RNF123: variants seen among roughly 807,000 people sequenced by gnomAD.
RNF123 encodes the protein E3 ubiquitin-protein ligase RNF123.
A neutral mutation model predicts 168.5 loss-of-function variants in RNF123; 86 were observed. That is an observed-to-expected ratio of 0.51 (90% CI 0.43 to 0.61). The LOEUF is 0.61. Among genes scored for constraint, RNF123 ranks in the 20% least tolerant of loss-of-function variants. The probability of loss-of-function intolerance (pLI) is 0.00; values close to 1 mark genes in which losing one functional copy is unlikely to be tolerated. For synonymous variants in RNF123, 666 were observed against 689.1 expected, an observed-to-expected ratio of 0.97 and a Z score of 0.52; for missense variants, 1,419 against 1,729.7, an observed-to-expected ratio of 0.82 and a Z score of 3.19.
At chr3:49,716,218 C>T (rs1176659417) in intron 34 of RNF123, 41 bp downstream of exon 34, 5 of 1,603,562 alleles carry the variant, frequency 3.1e-6, no homozygotes, top group Non-Finnish European at 4.3e-6. Context: ...CACTACAGGC[C>T]TCGGTTCCTC....
intron 35 of RNF123, 76 bp downstream of exon 35, chr3:49,716,553 T>C (rs2080248771): frequency 8.1e-7 from 1 of 1,235,990 alleles, no homozygotes; most frequent in Non-Finnish European, 1.2e-6. Context: ...GGCCTCCTGG[T>C]ACTTCAGTTT....
chr3:49,715,407 C>A, intron 31 of RNF123, 168 bp from the exon 32 acceptor site: 1 of 789,844 alleles, frequency 1.3e-6, no homozygotes, highest in Non-Finnish European at 2.0e-6. Context: ...TCTGTCCCAA[C>A]TAACTCCAAG....
chr3:49,715,884 T>C lies in RNF123; in HGVS notation c.3213T>C (p.Cys1071=). ...TGGACAGCCGGCAGCTCAAGGTATG[T>C]GCCACCTGCTTTGACCTCTCGGTCA... ...NFVDSRQLKV[C]ATCFDLSVSL... The change falls in exon 33 of 39, where the codon TGT becomes TGC. Residue 1071 remains cysteine, a synonymous_variant. Transcript: ENST00000327697. 1 of 1,614,118 alleles carries C rather than the reference T, an allele frequency of 6.2e-7. No individual in the cohort carries two copies. Among genetic ancestry groups the C allele is most frequent in the Non-Finnish European group, 8.5e-7 (1 of 1,180,038 alleles).
At chr3:49,705,366 C>T (rs1185939376) in intron 23 of RNF123, among the ~76,000 whole-genome samples, 168 bp from the exon 24 acceptor site, 2 of 152,200 alleles carry the variant, frequency 1.3e-5, no homozygotes, top group Non-Finnish European at 1.5e-5. Context: ...GTCCTGGCAC[C>T]GCAGGCCTTG....
chr3:49,692,310 C>T (rs1311471451), intron 3 of RNF123, among the ~76,000 whole-genome samples: 1 of 152,158 alleles, frequency 6.6e-6, no homozygotes, highest in Admixed American at 6.5e-5. Context: ...AAATGTGATT[C>T]TTTTCTGTTT....
intron 23 of RNF123, 124 bp from the exon 24 acceptor site, chr3:49,705,410 G>A (rs2054495544): frequency 7.1e-7 from 1 of 1,405,778 alleles, no homozygotes; most frequent in African/African-American, 1.4e-5. Context: ...ATGCCCCCAT[G>A]GGCTCCCCGC....
At position 49,704,717 on chromosome 3, in the gene RNF123, C is replaced by G. The variant is rs148561345; in HGVS notation, c.1920C>G (p.Asp640Glu). 3.3e-5 allele frequency: 52 copies of G among 1,598,158 alleles called. No homozygotes were observed. Among genetic ancestry groups the G allele is most frequent in the Non-Finnish European group, 4.3e-5 (51 of 1,172,486 alleles). Residue 640 changes from aspartate (D) to glutamate (E), a missense_variant, in exon 22 of 39, where the codon GAC becomes GAG. Asp to Glu is a conservative substitution (Grantham distance 45). This residue lies in a region of RNF123 where 538 missense variants were observed against 708.8 expected (regional missense o/e 0.76). Coordinates refer to ENST00000327697, the MANE Select transcript of RNF123 (RefSeq NM_022064.5). ...PLELQSTAMD[D>E]LDEDEEPAPA... ...AGCTCCAGTCAACCGCCATGGATGA[C>G]CTAGATGAGGATGAGGAGCCAGCCC...
chr3:49,713,023 G>A, intron 27 of RNF123: 2 of 679,266 alleles, frequency 2.9e-6, no homozygotes, highest in Non-Finnish European at 5.4e-6. Context: ...GTCAGGGGCA[G>A]AATGGTTTGT....
At position 49,713,962 on chromosome 3, in the gene RNF123, G is replaced by T; in HGVS notation, c.2890G>T (p.Ala964Ser). 1 of 1,614,054 alleles carries T rather than the reference G, an allele frequency of 6.2e-7. No individual in the cohort carries two copies. The highest frequency in any genetic ancestry group is 8.5e-7 in the Non-Finnish European group (1 of 1,179,992). ...LLAPYEQRPW[A>S]QTNWILVRLW... ...GGCGCCCTATGAGCAGCGGCCCTGG[G>T]CCCAGACCAACTGGATCCTGGTGCG... The change falls in exon 30 of 39, where the codon GCC (alanine) becomes TCC (serine). Residue 964 changes from alanine to serine, a missense_variant. Around this residue, in one of 5 missense-constraint regions of RNF123, gnomAD observed 538 missense variants for 708.8 expected, o/e 0.76. Coordinates refer to ENST00000327697, the MANE Select transcript of RNF123 (RefSeq NM_022064.5).
At chr3:49,709,116 G>A (rs766374523) in intron 26 of RNF123, among the ~76,000 whole-genome samples, 9 of 148,580 alleles carry the variant, frequency 6.1e-5, no homozygotes, top group African/African-American at 1.5e-4. Context: ...CACCATGCTC[G>A]GCTAATTTTT....
At chr3:49,718,174 G>T (rs1160246818) in intron 35 of RNF123, 27 of 1,613,030 alleles carry the variant, frequency 1.7e-5, no homozygotes. Context: ...TGAGGACTGT[G>T]CGCTCAGCTC....
intron 26 of RNF123, among the ~76,000 whole-genome samples, chr3:49,710,568 C>T (rs1016666683): frequency 3.9e-5 from 6 of 152,338 alleles, no homozygotes; most frequent in Middle Eastern, 3.4e-3. Flanking sequence ...GCTTCAGCAA[C>T]CGCGCCTGGC....
At chr3:49,703,321 A>T in intron 20 of RNF123, 106 bp from the exon 21 acceptor site, 1 of 897,554 alleles carries the variant, frequency 1.1e-6, no homozygotes, top group East Asian at 2.7e-5. Context: ...GAGTGGCCAA[A>T]GCCAGAATTC....
At chr3:49,694,150 T>A (rs545363815) in intron 3 of RNF123, among the ~76,000 whole-genome samples, 8 of 152,368 alleles carry the variant, frequency 5.3e-5, no homozygotes, top group Admixed American at 3.3e-4. Context: ...TTATGCTGTA[T>A]AGAAAACTTT....
rs746190835 is a variant in RNF123, at chr3:49,700,659, C to T, written c.1227C>T (p.Ile409=). Residue 409 remains isoleucine (I), a synonymous_variant, in exon 15 of 39, where the codon ATC becomes ATT. Coordinates refer to ENST00000327697, the MANE Select transcript of RNF123 (RefSeq NM_022064.5). ...GLQIHYLRLT[I]AILRHEKSRK... ...AGATCCATTACCTGCGGCTCACTAT[C>T]GCCATCCTGAGGCATGAGAAGTCCC... 27 of 1,614,082 alleles carry T rather than the reference C, an allele frequency of 1.7e-5. No individual in the cohort carries two copies. Among genetic ancestry groups the T allele is most frequent in the Non-Finnish European group, 2.1e-5 (25 of 1,180,056 alleles).
chr3:49,707,310 C>G (rs2054538781), intron 26 of RNF123, among the ~76,000 whole-genome samples: 1 of 152,182 alleles, frequency 6.6e-6, no homozygotes. Context: ...GTTCCCCACT[C>G]ACTCATTCAC....
At chr3:49,704,579 C>A in intron 21 of RNF123, 71 bp from the exon 22 acceptor site, 2 of 1,324,632 alleles carry the variant, frequency 1.5e-6, no homozygotes, top group Non-Finnish European at 2.1e-6. Context: ...GCTCTCTCAC[C>A]GTCCTGGGCA....
chr3:49,702,181 G>A, intron 18 of RNF123, 37 bp downstream of exon 18: 1 of 1,609,028 alleles, frequency 6.2e-7, no homozygotes, highest in Non-Finnish European at 8.5e-7. Context: ...GGGGCCCTGT[G>A]GGGAGGGATG....
At chr3:49,720,999 C>T (rs372037773) in intron 37 of RNF123, 21 bp from the exon 38 acceptor site, 2 of 1,609,446 alleles carry the variant, frequency 1.2e-6, no homozygotes, top group African/African-American at 2.7e-5. Context: ...TCCAGCCCAC[C>T]CTTCACTCTC....
Sources: gnomAD v4.1 joint callset for allele counts (sites outside exome capture counted in the v4.1 genomes callset) on GRCh38, gnomAD v4.1.1 for gene constraint, gnomAD v4.1.1 regional missense constraint, MANE v1.5 for transcripts, NCBI Gene and HGNC (gene_info 2026-07-23, HGNC 2026-07-21) for gene names.